HERC1: variants seen among roughly 807,000 people sequenced by gnomAD.
The protein encoded by HERC1 is HECT and RLD domain containing E3 ubiquitin protein ligase family member 1.
A neutral mutation model predicts 554.3 loss-of-function variants in HERC1; 160 were observed. The observed-to-expected ratio is 0.29, with a 90% CI of 0.25 to 0.33. The LOEUF is 0.33. Among genes scored for constraint, HERC1 ranks in the 10% least tolerant of loss-of-function variants. The probability of loss-of-function intolerance (pLI) is 1.00; values close to 1 mark genes in which losing one functional copy is unlikely to be tolerated. For missense variants in HERC1, 4,919 were observed against 5,918.5 expected, an observed-to-expected ratio of 0.83 and a Z score of 5.54; for synonymous variants, 2,175 against 2,131.7, an observed-to-expected ratio of 1.02 and a Z score of -0.56.
At position 63,753,025 on chromosome 15, in the gene HERC1, T is replaced by C; in HGVS notation, c.1835A>G (p.Gln612Arg). The change falls in exon 8 of 78, where the codon CAA becomes CGA. Residue 612 changes from glutamine to arginine, a missense_variant. Around this residue, in one of 11 missense-constraint regions of HERC1, gnomAD observed 744 missense variants for 1,090.0 expected, o/e 0.68. Transcript: ENST00000443617. ...VYKPKVIEALQGMFIRKVCAG... is the reference protein window; with the variant it reads ...VYKPKVIEALRGMFIRKVCAG... Reference sequence around the variant, plus strand: ...ACAAACTTTGCGAATGAACATTCCTTGTAAAGCTTCAATAACTTTAGGTTT... The same window carrying C: ...ACAAACTTTGCGAATGAACATTCCTCGTAAAGCTTCAATAACTTTAGGTTT... 6.2e-7 allele frequency: 1 copy of C among 1,613,586 alleles called. No individual in the cohort carries two copies. The highest frequency in any genetic ancestry group is 8.5e-7 in the Non-Finnish European group (1 of 1,179,628).
intron 74 of HERC1, among the ~76,000 whole-genome samples, chr15:63,622,406 C>T (rs1027382578): frequency 1.4e-5 from 2 of 147,622 alleles, no homozygotes; most frequent in African/African-American, 5.0e-5. Context: ...CGGCTCACTG[C>T]AGCCTCTGCC....
Position 63,675,018 on chromosome 15 carries a change from A to G in HERC1, c.7170T>C (p.Ala2390=), listed in dbSNP as rs762145494. ...GATATGTTAGGTCCAGCAGCACAGA[A>G]GCCGTCAGGCCTCGGAATCGCGCCA... The part of the protein sequence containing the change: ...FDVARFRGLT[A]SVLLDLTYLT... Residue 2390 remains alanine, a synonymous_variant, in exon 38 of 78, where the codon GCT becomes GCC. Transcript: ENST00000443617. 47 of 1,613,916 alleles carry G rather than the reference A, an allele frequency of 2.9e-5. No individual in the cohort carries two copies. In the Admixed American group the frequency reaches 7.7e-4, roughly 26 times the overall value.
At chr15:63,833,747 G>GCACACACACACACACACACACA (rs1279912396) in intron 1 of HERC1, 80 bp downstream of exon 1, 1 of 117,734 alleles carries the variant, frequency 8.5e-6, no homozygotes, top group African/African-American at 4.1e-5. Flanking sequence ...GCACACACGC[G>GCACACACACACACACACACACA]CGCGCGCACA....
chr15:63,733,226 A>G lies in HERC1; in HGVS notation c.2647-81T>C, dbSNP rs61336273. 4.5e-4 allele frequency: 393 copies of G among 877,272 alleles called. No individual in the cohort carries two copies. The African/African-American group carries it at 5.8e-3, about 13-fold the overall frequency. 54.3% of individuals were successfully genotyped at this position (877,272 alleles called of 1,614,324 possible). A position where few individuals can be genotyped will look rare whatever the true frequency, so the allele number is the denominator to read the frequency against. ...CACAAAAGGATCCCAGAAAAAAACT[A>G]TACTAATCCACTTACTAGCTTAATA... On this transcript the variant is annotated intron_variant, in intron 13 of 77. Coordinates refer to ENST00000443617, the MANE Select transcript of HERC1 (RefSeq NM_003922.4).
chr15:63,776,313 C>A (rs375226135), intron 1 of HERC1, among the ~76,000 whole-genome samples: 2 of 152,166 alleles, frequency 1.3e-5, no homozygotes, highest in East Asian at 1.9e-4. Flanking sequence ...AGTACCACCA[C>A]CCCACCCAAA....
chr15:63,774,319 A>C (rs2076048208), intron 2 of HERC1, among the ~76,000 whole-genome samples: 1 of 152,198 alleles, frequency 6.6e-6, no homozygotes, highest in Non-Finnish European at 1.5e-5. Context: ...GCATATAGTA[A>C]ATGTTTAACA....
chr15:63,616,788 T>C (rs1006024310), intron 74 of HERC1, 106 bp from the exon 75 acceptor site: 1 of 978,554 alleles, frequency 1.0e-6, no homozygotes, highest in Non-Finnish European at 1.5e-6. Context: ...CTGTTCAATA[T>C]GGCATCCATT....
chr15:63,792,967 AC>A (rs1725746999), intron 1 of HERC1, among the ~76,000 whole-genome samples: 1 of 152,206 alleles, frequency 6.6e-6, no homozygotes, highest in African/African-American at 2.4e-5. Context: ...AGAGCAGTTC[AC>A]AGAACTCAGG....
chr15:63,793,926 C>T (rs999550225), intron 1 of HERC1, among the ~76,000 whole-genome samples: 2 of 152,148 alleles, frequency 1.3e-5, no homozygotes, highest in African/African-American at 2.4e-5. Flanking sequence ...GAGGTCAGCA[C>T]AAAATACAGG....
At chr15:63,666,332 C>T (rs766260272) in intron 41 of HERC1, 24 bp downstream of exon 41, 2 of 1,524,886 alleles carry the variant, frequency 1.3e-6, no homozygotes, top group East Asian at 2.2e-5. Context: ...TCTGTATACA[C>T]TGATATATAA....
At chr15:63,685,790 T>G (rs2071725536) in intron 34 of HERC1, among the ~76,000 whole-genome samples, 1 of 152,196 alleles carries the variant, frequency 6.6e-6, no homozygotes, top group African/African-American at 2.4e-5. Context: ...AATGCCTGCT[T>G]GCAATGTTGG....
Position 63,774,995 on chromosome 15 carries a change from T to C in HERC1, c.629A>G (p.Asn210Ser), listed in dbSNP as rs2076075501. 2 of 1,614,042 alleles carry C rather than the reference T, an allele frequency of 1.2e-6. No homozygotes were observed. The highest frequency in any genetic ancestry group is 2.2e-5 in the East Asian group (1 of 44,886). Residue 210 changes from asparagine to serine, a missense_variant, in exon 2 of 78, where the codon AAT (asparagine) becomes AGT (serine). Asn to Ser is a conservative substitution (Grantham distance 46). Coordinates refer to ENST00000443617, the MANE Select transcript of HERC1 (RefSeq NM_003922.4). ...VSSLPPLSLA[N>S]ESKIPPMGLD... ...GCCCATAGGAGGAATCTTGCTTTCA[T>C]TTGCTAATGATAATGGTGGCAAAGA...
chr15:63,675,952 G>A (rs2071180559), intron 37 of HERC1, among the ~76,000 whole-genome samples: 1 of 143,654 alleles, frequency 7.0e-6, no homozygotes. Context: ...CACCCAGGCT[G>A]CAGTGCAGTG....
intron 30 of HERC1, among the ~76,000 whole-genome samples, chr15:63,693,211 A>G (rs1449209734): frequency 6.7e-6 from 1 of 149,726 alleles, no homozygotes; most frequent in African/African-American, 2.5e-5. Context: ...AAACAAACAG[A>G]TATCAAAACC....
chr15:63,669,339 C>G (rs2070787874), intron 40 of HERC1, among the ~76,000 whole-genome samples, 199 bp downstream of exon 40: 2 of 152,168 alleles, frequency 1.3e-5, no homozygotes, highest in Admixed American at 1.3e-4. Context: ...ATGTACAGCA[C>G]ATTATTTCTC....
intron 19 of HERC1, among the ~76,000 whole-genome samples, chr15:63,721,732 T>C (rs374170554): frequency 6.6e-6 from 1 of 151,950 alleles, no homozygotes; most frequent in Admixed American, 6.6e-5. Context: ...GATAAGAGAA[T>C]GACACAGAGA....
Position 63,618,526 on chromosome 15 carries a change from C to T in HERC1, c.13689-1844G>A, listed in dbSNP as rs999430653. Among the ~76,000 whole-genome samples, 34 of 81,006 alleles carry T rather than the reference C, an allele frequency of 4.2e-4. No homozygotes were observed. In the South Asian group the frequency reaches 5.7e-3, roughly 14 times the overall value. 53.1% of individuals were successfully genotyped at this position (81,006 alleles called of 152,430 possible). On this transcript the variant is annotated intron_variant, in intron 74 of 77. Coordinates refer to ENST00000443617, the MANE Select transcript of HERC1 (RefSeq NM_003922.4). Reference sequence around the variant, plus strand: ...CATATGAACTTTAAAGTAGTTTTTTCCAATTCTGTGAAGAAAGTCATTGGT... The same window carrying T: ...CATATGAACTTTAAAGTAGTTTTTTTCAATTCTGTGAAGAAAGTCATTGGT...
intron 12 of HERC1, among the ~76,000 whole-genome samples, chr15:63,745,776 A>T (rs1452023272): frequency 6.6e-6 from 1 of 152,162 alleles, no homozygotes; most frequent in Non-Finnish European, 1.5e-5. Context: ...GAGTTGTTAA[A>T]GTGGTGTCCT....
At chr15:63,693,001 C>T (rs1338301936) in intron 30 of HERC1, among the ~76,000 whole-genome samples, 8 of 151,912 alleles carry the variant, frequency 5.3e-5, no homozygotes, top group Non-Finnish European at 7.4e-5. Context: ...GCCAACATAG[C>T]GAAACCCCGT....
Sources: allele counts gnomAD v4.1 joint callset (sites outside exome capture counted in the v4.1 genomes callset), GRCh38; gene constraint gnomAD v4.1.1; regional missense constraint gnomAD v4.1.1; transcripts MANE v1.5; gene names NCBI Gene and HGNC (gene_info 2026-07-23, HGNC 2026-07-21).